Variants in HACD1 observed in about 807,000 individuals in gnomAD.
HACD1 encodes very-long-chain (3R)-3-hydroxyacyl-CoA dehydratase 1.
In HACD1, 41 loss-of-function variants were observed where a neutral mutation model predicts 32.0. That is an observed-to-expected ratio of 1.28 (90% confidence interval 1.00 to 1.66). HACD1 has a LOEUF of 1.66. Ranked by LOEUF, HACD1 falls within the 40% of genes most tolerant of loss-of-function variation. HACD1 has a pLI of 0.00. For synonymous variants in HACD1, 142 were observed against 139.0 expected (o/e 1.02, Z -0.15); for missense variants, 396 against 380.1 (o/e 1.04, Z -0.35).
chr10:17,596,962 A>G (rs1834002891), intron 5 of HACD1, among the ~76,000 whole-genome samples: 1 of 152,218 alleles, frequency 6.6e-6, no homozygotes, highest in Non-Finnish European at 1.5e-5. Flanking sequence ...ACATCTGAAC[A>G]TAAATACAAA....
Position 17,590,078 on chromosome 10 carries a change from CA to C in HACD1, c.*285del, listed in dbSNP as rs1161108283. 9.9e-5 allele frequency: 20 copies of C among 201,366 alleles called. No individual in the cohort carries two copies. The highest frequency in any genetic ancestry group is 1.9e-4 in the South Asian group (1 of 5,354). 12.5% of individuals were successfully genotyped at this position (201,366 alleles called of 1,614,324 possible). On this transcript the variant is annotated 3_prime_UTR_variant, in exon 7 of 7. Coordinates refer to ENST00000361271, the MANE Select transcript of HACD1 (RefSeq NM_014241.4). ...GATTTAAAAAGCTTTGAGCATGTTTCAAAAAAAACTTAGCAAAAGTTTTTTT... is the reference window on the plus strand; with the variant it reads ...GATTTAAAAAGCTTTGAGCATGTTTCAAAAAAACTTAGCAAAAGTTTTTTT...
At chr10:17,603,781 T>G (rs377244390) in intron 2 of HACD1, 37 bp from the exon 3 acceptor site, 93 of 1,569,810 alleles carry the variant, frequency 5.9e-5, no homozygotes, top group Non-Finnish European at 6.9e-5. Flanking sequence ...ACGTCAATAA[T>G]AGAAAACATT....
chr10:17,600,834 C>T (rs576872195), intron 4 of HACD1, among the ~76,000 whole-genome samples: 47 of 152,260 alleles, frequency 3.1e-4, no homozygotes, highest in African/African-American at 1.1e-3. Context: ...GCACTTAACA[C>T]GTATATGATT....
At chr10:17,594,446 G>C in intron 5 of HACD1, 63 bp from the exon 6 acceptor site, 1 of 1,235,996 alleles carries the variant, frequency 8.1e-7, no homozygotes, top group Non-Finnish European at 1.1e-6. Context: ...TTACATTGCA[G>C]GTCTATTGCT....
intron 4 of HACD1, among the ~76,000 whole-genome samples, chr10:17,601,116 C>T (rs1554816477): frequency 6.6e-6 from 1 of 152,020 alleles, no homozygotes; most frequent in African/African-American, 2.4e-5. Flanking sequence ...TCACTGCAAC[C>T]TCTGCCTCTT....
intron 1 of HACD1, among the ~76,000 whole-genome samples, chr10:17,608,454 G>A (rs1484780851): frequency 6.6e-6 from 1 of 152,112 alleles, no homozygotes; most frequent in Non-Finnish European, 1.5e-5. Context: ...GCCATTTGGA[G>A]GCTTGGACCG....
chr10:17,592,877 T>A (rs1360375113), intron 6 of HACD1, among the ~76,000 whole-genome samples: 1 of 152,206 alleles, frequency 6.6e-6, no homozygotes, highest in Non-Finnish European at 1.5e-5. Flanking sequence ...CTTTCACCAC[T>A]AAGTCAATTT....
At chr10:17,610,043 C>T (rs946451983) in intron 1 of HACD1, among the ~76,000 whole-genome samples, 4 of 151,836 alleles carry the variant, frequency 2.6e-5, no homozygotes, top group Admixed American at 2.6e-4. Flanking sequence ...TGACCCAGCC[C>T]CTCCACTCCT....
At chr10:17,615,935 T>G (rs1380299564) in intron 1 of HACD1, 1 of 341,882 alleles carries the variant, frequency 2.9e-6, no homozygotes, top group Non-Finnish European at 6.0e-6. Flanking sequence ...GCCAATGCAC[T>G]CCAGCCTGGG....
At chr10:17,603,539 C>T in intron 4 of HACD1, 21 bp downstream of exon 4, 1 of 1,566,292 alleles carries the variant, frequency 6.4e-7, no homozygotes, top group Non-Finnish European at 8.8e-7. Context: ...CTCAAGTAGA[C>T]AACATGTTTG....
chr10:17,602,157 C>T (rs1834079396), intron 4 of HACD1, among the ~76,000 whole-genome samples: 1 of 151,694 alleles, frequency 6.6e-6, no homozygotes, highest in African/African-American at 2.4e-5. Context: ...GCACCCTCCA[C>T]CTCCCAGGTT....
chr10:17,596,112 A>C (rs1425520067), intron 5 of HACD1, among the ~76,000 whole-genome samples: 1 of 152,244 alleles, frequency 6.6e-6, no homozygotes, highest in Non-Finnish European at 1.5e-5. Flanking sequence ...GCATTAGGAA[A>C]TATCTATAAA....
chr10:17,603,252 A>G (rs1554816707), intron 4 of HACD1: 2 of 224,020 alleles, frequency 8.9e-6, no homozygotes. Context: ...TTGGATTGAA[A>G]AGAAACTTCT....
Position 17,603,746 on chromosome 10 carries a change from T to C in HACD1, c.376-2A>G. The C allele has an allele frequency of 6.3e-7, 1 of 1,594,736 alleles. No homozygotes were observed. The highest frequency in any genetic ancestry group is 8.6e-7 in the Non-Finnish European group (1 of 1,164,176). On this transcript the variant is annotated splice_acceptor_variant, in intron 2 of 6. Coordinates refer to ENST00000361271, the MANE Select transcript of HACD1 (RefSeq NM_014241.4). LOFTEE classifies it high-confidence loss of function. ...CTCACCAATTAAACAGTGAACTATC[T>C]GTAAGCAAATAGAAAAAAATCATTA...
chr10:17,594,802 G>T (rs1318000957), intron 5 of HACD1, among the ~76,000 whole-genome samples: 4 of 151,542 alleles, frequency 2.6e-5, no homozygotes, highest in Non-Finnish European at 5.9e-5. Flanking sequence ...CTCCCAAGTA[G>T]CTGGGATTAC....
intron 4 of HACD1, among the ~76,000 whole-genome samples, chr10:17,599,722 A>G (rs1472900191): frequency 1.3e-5 from 2 of 152,150 alleles, no homozygotes; most frequent in Non-Finnish European, 2.9e-5. Context: ...TCCTACTTCT[A>G]GTAATCATTG....
In HACD1 at chr10:17,591,976, A is replaced by ATTTTTTTTTTTTTTTT. The variant is rs71393019; in HGVS notation, c.785-1546_785-1531dup. Among the ~76,000 whole-genome samples, 130 of 96,950 alleles carry ATTTTTTTTTTTTTTTT rather than the reference A, an allele frequency of 1.3e-3. 21 individuals are homozygous for ATTTTTTTTTTTTTTTT. The highest frequency in any genetic ancestry group is 5.1e-3 in the African/African-American group (114 of 22,298). The allele number at this position is 96,950 out of a possible 152,430, so 63.6% of individuals were successfully genotyped here. A position where few individuals can be genotyped will look rare whatever the true frequency, so the allele number is the denominator to read the frequency against. ...CCCTGCCTTAACTCACCAGCTACTG[A>ATTTTTTTTTTTTTTTT]TTTTTTTTTTTTTTTTTTTTTTTGA... On this transcript the variant is annotated intron_variant, in intron 6 of 6. Coordinates refer to ENST00000361271, the MANE Select transcript of HACD1 (RefSeq NM_014241.4).
Position 17,599,328 on chromosome 10 carries a change from G to C in HACD1, c.567C>G (p.Ser189Arg). The C allele has an allele frequency of 1.2e-6, 2 of 1,614,034 alleles. No individual in the cohort carries two copies. Among genetic ancestry groups the C allele is most frequent in the Non-Finnish European group, 1.7e-6 (2 of 1,180,014 alleles). ...TGAAGTATGGCAAGTGGTCAAGAAG[G>C]CTGAATGTGTAGAAGGAATAGCGAG... The part of the protein sequence containing the change: ...EITRYSFYTF[S>R]LLDHLPYFIK... The change falls in exon 5 of 7, where the codon AGC (serine) becomes AGG (arginine). Residue 189 changes from serine (S) to arginine (R), a missense_variant. By Grantham distance (110) the Ser-to-Arg change is moderately radical. Transcript: ENST00000361271.
intron 5 of HACD1, among the ~76,000 whole-genome samples, chr10:17,595,600 C>T (rs1056414663): frequency 2.0e-5 from 3 of 152,056 alleles, no homozygotes; most frequent in East Asian, 1.9e-4. Flanking sequence ...CTGGAACACA[C>T]AGTAGGCCAG....
Sources: allele counts gnomAD v4.1 joint callset (sites outside exome capture counted in the v4.1 genomes callset), GRCh38; gene constraint gnomAD v4.1.1; transcripts MANE v1.5; gene names NCBI Gene and HGNC (gene_info 2026-07-23, HGNC 2026-07-21).